SPOCK3: variants seen among roughly 807,000 people sequenced by gnomAD.
The protein encoded by SPOCK3 is testican-3.
A neutral mutation model predicts 56.6 loss-of-function variants in SPOCK3; 30 were observed. The observed-to-expected ratio is 0.53, with a 90% CI of 0.40 to 0.72. The LOEUF is 0.72. Among genes scored for constraint, SPOCK3 ranks in the 30% least tolerant of loss-of-function variants. The pLI is 0.00. For missense variants in SPOCK3, 527 were observed against 530.0 expected, an observed-to-expected ratio of 0.99 and a Z score of 0.06; for synonymous variants, 196 against 183.3, an observed-to-expected ratio of 1.07 and a Z score of -0.56.
intron 4 of SPOCK3, among the ~76,000 whole-genome samples, chr4:166,962,338 G>C (rs1292270568): frequency 6.6e-6 from 1 of 152,078 alleles, no homozygotes; most frequent in Non-Finnish European, 1.5e-5. Flanking sequence ...GTGTGTTAAG[G>C]TGTCACATGG....
chr4:167,133,418 C>G (rs1762853011), intron 2 of SPOCK3, among the ~76,000 whole-genome samples: 1 of 152,140 alleles, frequency 6.6e-6, no homozygotes, highest in Non-Finnish European at 1.5e-5. Flanking sequence ...GCTTCCGGAA[C>G]TGTAACATAA....
chr4:166,815,319 T>A (rs1040149932), intron 6 of SPOCK3, among the ~76,000 whole-genome samples: 1 of 151,842 alleles, frequency 6.6e-6, no homozygotes, highest in African/African-American at 2.4e-5. Context: ...AAAAAGTGAA[T>A]AAAAAAATTA....
chr4:166,752,094 A>T (rs1343566678), intron 8 of SPOCK3, among the ~76,000 whole-genome samples: 1 of 151,902 alleles, frequency 6.6e-6, no homozygotes, highest in Non-Finnish European at 1.5e-5. Context: ...TGGAGTGTAG[A>T]GGTGCCATCT....
chr4:167,087,928 T>C (rs1311852147), intron 2 of SPOCK3, among the ~76,000 whole-genome samples: 1 of 152,098 alleles, frequency 6.6e-6, no homozygotes, highest in Non-Finnish European at 1.5e-5. Flanking sequence ...TTAGCTGTTG[T>C]TTTTATGGAA....
chr4:166,763,464 T>C (rs1188239876), intron 7 of SPOCK3, among the ~76,000 whole-genome samples: 1 of 152,088 alleles, frequency 6.6e-6, no homozygotes, highest in Non-Finnish European at 1.5e-5. Context: ...GAAATCTGGA[T>C]CTACATATAG....
At chr4:167,082,153 G>C (rs1373563521) in intron 2 of SPOCK3, among the ~76,000 whole-genome samples, 1 of 152,090 alleles carries the variant, frequency 6.6e-6, no homozygotes, top group Non-Finnish European at 1.5e-5. Context: ...TGTTTAAAAG[G>C]TGCTTAGCAC....
At chr4:166,809,120 G>C (rs531871614) in intron 6 of SPOCK3, among the ~76,000 whole-genome samples, 5 of 152,060 alleles carry the variant, frequency 3.3e-5, no homozygotes, top group African/African-American at 9.6e-5. Context: ...CATTAATAAT[G>C]AGTTTAAACA....
intron 3 of SPOCK3, among the ~76,000 whole-genome samples, chr4:167,060,973 C>G (rs1755544446): frequency 6.6e-6 from 1 of 151,984 alleles, no homozygotes; most frequent in African/African-American, 2.4e-5. Flanking sequence ...TAAACATTAG[C>G]TATTATCATG....
rs546166028 is a variant in SPOCK3 at position 166,793,658 on chromosome 4, A to G, written c.590-1369T>C. On this transcript the variant is annotated intron_variant, in intron 6 of 10. Transcript: ENST00000357545. The stretch of plus-strand genomic sequence containing the variant: ...AATTAGCCAATCATTGTGACATTTT[A>G]GAACACTGGAGACAAAATGAAGATC... Among the ~76,000 whole-genome samples, 8 of 152,286 alleles carry G rather than the reference A, an allele frequency of 5.3e-5. No individual in the cohort carries two copies. In the South Asian group the frequency reaches 1.2e-3, roughly 24 times the overall value.
chr4:166,836,849 T>C (rs1746672844), intron 6 of SPOCK3, among the ~76,000 whole-genome samples: 1 of 152,240 alleles, frequency 6.6e-6, no homozygotes, highest in Non-Finnish European at 1.5e-5. Context: ...TACCTCGGCC[T>C]ACTTTCAGAG....
chr4:166,833,623 T>C (rs1746313432), intron 6 of SPOCK3, among the ~76,000 whole-genome samples: 1 of 152,230 alleles, frequency 6.6e-6, no homozygotes, highest in Non-Finnish European at 1.5e-5. Context: ...TACTGCTCAT[T>C]ACATTCTATT....
intron 4 of SPOCK3, among the ~76,000 whole-genome samples, chr4:166,953,754 C>A (rs1743019176): frequency 6.6e-6 from 1 of 152,070 alleles, no homozygotes; most frequent in African/African-American, 2.4e-5. Flanking sequence ...ACTATGCAGC[C>A]ACAAAAAATG....
At chr4:167,059,926 C>T (rs934328942) in intron 3 of SPOCK3, among the ~76,000 whole-genome samples, 6 of 151,750 alleles carry the variant, frequency 4.0e-5, no homozygotes, top group Admixed American at 6.6e-5. Flanking sequence ...ACCGCATATT[C>T]TCACTCATAG....
intron 3 of SPOCK3, among the ~76,000 whole-genome samples, chr4:167,001,432 A>G (rs1377494752): frequency 6.6e-6 from 1 of 152,160 alleles, no homozygotes; most frequent in African/African-American, 2.4e-5. Context: ...ATGTTTCTGA[A>G]GTTCAATCAT....
At chr4:166,809,646 A>G (rs62355257) in intron 6 of SPOCK3, among the ~76,000 whole-genome samples, 11,341 of 152,098 alleles carry the variant, frequency 0.075, 527 homozygotes, top group Non-Finnish European at 0.1. Flanking sequence ...TGCTTCATCA[A>G]TACGATAAAG....
Position 166,878,769 on chromosome 4 carries a change from C to T in SPOCK3, c.589+10361G>A, listed in dbSNP as rs142620034. Among the ~76,000 whole-genome samples, 369 of 152,190 alleles carry T rather than the reference C, an allele frequency of 2.4e-3. 2 individuals are homozygous for T. The highest frequency in any genetic ancestry group is 8.2e-3 in the African/African-American group (340 of 41,542). On this transcript the variant is annotated intron_variant, in intron 6 of 10. Transcript: ENST00000357545. ...GTAAGACACTGTAATTAGGAGGCAG[C>T]AATCATCGCTTCAAAACCTTGCTTT...
intron 2 of SPOCK3, among the ~76,000 whole-genome samples, chr4:167,176,642 G>A (rs566876668): frequency 6.6e-5 from 10 of 151,938 alleles, no homozygotes; most frequent in South Asian, 4.1e-4. Flanking sequence ...GTATCAATTC[G>A]CTATATCCCA....
chr4:167,211,169 A>G (rs1223734173), intron 2 of SPOCK3, among the ~76,000 whole-genome samples: 1 of 152,084 alleles, frequency 6.6e-6, no homozygotes, highest in Non-Finnish European at 1.5e-5. Context: ...TGGATTTCGG[A>G]CTTGCGTGCG....
rs1450850560 is a variant in SPOCK3 at position 166,935,773 on chromosome 4, A to G, written c.351-23030T>C. On this transcript the variant is annotated intron_variant, in intron 4 of 10. Coordinates refer to ENST00000357545, the MANE Select transcript of SPOCK3 (RefSeq NM_001040159.2). ...AGCCACATAGTTAGGAAGTAATTCC[A>G]TTAACACAGGCAAGACATGACGGTG... 4.6e-5 allele frequency among the ~76,000 whole-genome samples: 7 copies of G among 152,336 alleles called. No homozygotes were observed. The East Asian group carries it at 1.4e-3, about 29-fold the overall frequency.
Sources: gnomAD v4.1 joint callset for allele counts (sites outside exome capture counted in the v4.1 genomes callset) on GRCh38, gnomAD v4.1.1 for gene constraint, MANE v1.5 for transcripts, NCBI Gene and HGNC (gene_info 2026-07-23, HGNC 2026-07-21) for gene names.